Variants in DCC observed in about 807,000 individuals in gnomAD.
DCC encodes the protein DCC netrin 1 receptor, also known as netrin receptor DCC.
In DCC, 58 loss-of-function variants were observed where a neutral mutation model predicts 172.5. The observed-to-expected ratio is 0.34, with a 90% CI of 0.27 to 0.42. The LOEUF (loss-of-function observed/expected upper bound fraction) is 0.42. Ranked by LOEUF, DCC falls within the 10% of genes least tolerant of loss-of-function variation. The probability of loss-of-function intolerance (pLI) is 1.00; values close to 1 mark genes in which losing one functional copy is unlikely to be tolerated. For missense variants in DCC, 1,740 were observed against 1,791.0 expected, an observed-to-expected ratio of 0.97 and a Z score of 0.51; for synonymous variants, 709 against 644.5, an observed-to-expected ratio of 1.10 and a Z score of -1.52.
intron 5 of DCC, among the ~76,000 whole-genome samples, chr18:53,023,164 T>C (rs1380542650): frequency 6.6e-6 from 1 of 151,888 alleles, no homozygotes; most frequent in Non-Finnish European, 1.5e-5. Context: ...CTTAACAGTA[T>C]AGAAGTATTT....
intron 1 of DCC, among the ~76,000 whole-genome samples, chr18:52,638,395 A>G (rs552666650): frequency 6.6e-6 from 1 of 152,298 alleles, no homozygotes; most frequent in East Asian, 1.9e-4. Flanking sequence ...AAGATACAGA[A>G]CCACAGAATG....
intron 12 of DCC, among the ~76,000 whole-genome samples, chr18:53,267,110 TCACA>T (rs140978906): frequency 5.5e-4 from 75 of 137,428 alleles, no homozygotes; most frequent in East Asian, 1.6e-3. Flanking sequence ...ACTCTCTCTC[TCACA>T]CACACACACA....
At chr18:52,382,043 T>A (rs1162233891) in intron 1 of DCC, among the ~76,000 whole-genome samples, 3 of 152,176 alleles carry the variant, frequency 2.0e-5, no homozygotes. Flanking sequence ...GATCTAAGAC[T>A]GACTCCCTAA....
At chr18:52,789,454 C>A (rs1354414602) in intron 2 of DCC, among the ~76,000 whole-genome samples, 2 of 151,902 alleles carry the variant, frequency 1.3e-5, no homozygotes, top group African/African-American at 2.4e-5. Flanking sequence ...AACATAAAGG[C>A]CTTTTAAAAA....
At chr18:52,445,821 T>C (rs1374402789) in intron 1 of DCC, among the ~76,000 whole-genome samples, 1 of 152,240 alleles carries the variant, frequency 6.6e-6, no homozygotes, top group South Asian at 2.1e-4. Flanking sequence ...TGCTGGTCTT[T>C]TGGGGGAAGG....
intron 27 of DCC, among the ~76,000 whole-genome samples, chr18:53,504,679 G>T (rs1271594541): frequency 1.3e-5 from 2 of 152,182 alleles, no homozygotes; most frequent in Admixed American, 6.5e-5. Context: ...CTACTTGGTG[G>T]CTTAATAAAT....
At chr18:52,395,658 C>T (rs750452308) in intron 1 of DCC, among the ~76,000 whole-genome samples, 5 of 152,012 alleles carry the variant, frequency 3.3e-5, no homozygotes, top group East Asian at 1.9e-4. Context: ...TGATACTTCT[C>T]GGGTTTCTCT....
chr18:53,248,235 G>A (rs892759843), intron 12 of DCC, among the ~76,000 whole-genome samples: 20 of 151,922 alleles, frequency 1.3e-4, no homozygotes, highest in African/African-American at 4.3e-4. Flanking sequence ...TTATGTATAT[G>A]TTGGAAGATG....
In DCC at chr18:52,908,271, T is replaced by C. The variant is rs532816320; in HGVS notation, c.697+1943T>C. Among the ~76,000 whole-genome samples the C allele has an allele frequency of 2.1e-3, 316 of 152,316 alleles. 1 individual carries two copies. The highest frequency in any genetic ancestry group is 7.2e-3 in the African/African-American group (300 of 41,578). On this transcript the variant is annotated intron_variant, in intron 3 of 28. Transcript: ENST00000442544. ...TCTCTAAAACCTCTCTTTTGCAGAT[T>C]CTCTACTCCATTAGTCACAGGGATA...
intron 1 of DCC, among the ~76,000 whole-genome samples, chr18:52,692,948 A>G (rs1051563513): frequency 6.6e-6 from 1 of 152,310 alleles, no homozygotes; most frequent in South Asian, 2.1e-4. Flanking sequence ...TGTACCCTTT[A>G]AGAACAGTCC....
At chr18:52,789,775 T>C (rs534625738) in intron 2 of DCC, among the ~76,000 whole-genome samples, 1 of 152,272 alleles carries the variant, frequency 6.6e-6, no homozygotes, top group South Asian at 2.1e-4. Flanking sequence ...TAAGCTATCC[T>C]TGCCCATCCC....
At chr18:52,911,991 C>T (rs1027460670) in intron 3 of DCC, among the ~76,000 whole-genome samples, 1 of 151,890 alleles carries the variant, frequency 6.6e-6, no homozygotes, top group Admixed American at 6.6e-5. Context: ...ATGAAAAGGT[C>T]TGCATATGGA....
chr18:53,157,291 C>A, intron 7 of DCC, 65 bp from the exon 8 acceptor site: 2 of 1,607,510 alleles, frequency 1.2e-6, no homozygotes, highest in East Asian at 2.2e-5. Flanking sequence ...GTTGGCTCTG[C>A]CTTCCTACCC....
chr18:53,286,127 C>T (rs750709227), intron 12 of DCC, among the ~76,000 whole-genome samples: 4 of 152,236 alleles, frequency 2.6e-5, no homozygotes, highest in Non-Finnish European at 4.4e-5. Flanking sequence ...TGAGTTAAGA[C>T]TTTGGAGGGC....
intron 26 of DCC, among the ~76,000 whole-genome samples, chr18:53,488,990 CTACTAAAAATACAAAAAAAATTGCT>C: frequency 6.6e-6 from 1 of 151,544 alleles, no homozygotes; most frequent in East Asian, 1.9e-4. Context: ...AACCGCATCT[CTACTAAAAATACAAAAAAAATTGCT>C]GGGCATGGTG....
In DCC at chr18:52,388,311, T is replaced by A. The variant is rs192492054; in HGVS notation, c.91+47433T>A. On this transcript the variant is annotated intron_variant, in intron 1 of 28. Transcript: ENST00000442544. ...TCTTTCCAGCTCTAAAATTCATAGA[T>A]GTGCTATGTATCTTTCTAGTAATTT... 1.3e-4 allele frequency among the ~76,000 whole-genome samples: 19 copies of A among 151,796 alleles called. 1 individual carries two copies. The highest frequency in any genetic ancestry group is 3.9e-4 in the Admixed American group (6 of 15,264).
chr18:52,650,862 G>T (rs1935482281), intron 1 of DCC, among the ~76,000 whole-genome samples: 1 of 152,254 alleles, frequency 6.6e-6, no homozygotes, highest in Non-Finnish European at 1.5e-5. Flanking sequence ...TCTGTTTCAT[G>T]TTTATGAAAT....
At chr18:53,361,193 C>G (rs2057941302) in intron 15 of DCC, among the ~76,000 whole-genome samples, 1 of 152,124 alleles carries the variant, frequency 6.6e-6, no homozygotes. Context: ...AAAGGATCCT[C>G]TCATAGGCCT....
At chr18:52,361,521 C>T (rs950633783) in intron 1 of DCC, among the ~76,000 whole-genome samples, 1 of 152,192 alleles carries the variant, frequency 6.6e-6, no homozygotes, top group African/African-American at 2.4e-5. Flanking sequence ...CCAAGAGAGA[C>T]ACGTGCTAGG....
Sources: gnomAD v4.1 joint callset for allele counts (sites outside exome capture counted in the v4.1 genomes callset) on GRCh38, gnomAD v4.1.1 for gene constraint, MANE v1.5 for transcripts, NCBI Gene and HGNC (gene_info 2026-07-23, HGNC 2026-07-21) for gene names.